CAMK1D: variants seen among roughly 807,000 people sequenced by gnomAD.
The protein encoded by CAMK1D is calcium/calmodulin-dependent protein kinase type 1D.
In CAMK1D, 9 loss-of-function variants were observed where a neutral mutation model predicts 47.7. The observed-to-expected ratio is 0.19, with a 90% CI of 0.11 to 0.33. CAMK1D has a LOEUF of 0.33. CAMK1D is among the 10% of genes least tolerant of loss of function. The pLI, the probability that CAMK1D is intolerant of heterozygous loss-of-function variation, is 1.00. For synonymous variants in CAMK1D, 184 were observed against 184.9 expected (o/e 0.99, Z 0.04); for missense variants, 291 against 488.7 (o/e 0.60, Z 3.81).
chr10:12,733,629 A>T (rs1379741267), intron 3 of CAMK1D, among the ~76,000 whole-genome samples: 1 of 152,228 alleles, frequency 6.6e-6, no homozygotes, highest in African/African-American at 2.4e-5. Flanking sequence ...AGTGTTCTAG[A>T]AACATCAGAA....
At chr10:12,677,551 T>C (rs1028060883) in intron 3 of CAMK1D, among the ~76,000 whole-genome samples, 2 of 152,098 alleles carry the variant, frequency 1.3e-5, no homozygotes, top group Non-Finnish European at 2.9e-5. Flanking sequence ...CAGGGCACTC[T>C]GGGAGGAGAC....
intron 3 of CAMK1D, among the ~76,000 whole-genome samples, chr10:12,743,103 G>A (rs976193396): frequency 6.6e-6 from 1 of 152,172 alleles, no homozygotes; most frequent in African/African-American, 2.4e-5. Context: ...AGCACTTTGC[G>A]AGGCCGAGGC....
At chr10:12,543,885 C>G (rs564607677) in intron 1 of CAMK1D, among the ~76,000 whole-genome samples, 2 of 152,296 alleles carry the variant, frequency 1.3e-5, no homozygotes, top group East Asian at 3.9e-4. Flanking sequence ...TCCATTGAAA[C>G]TGACTAGATA....
intron 1 of CAMK1D, among the ~76,000 whole-genome samples, chr10:12,523,190 C>A (rs187591840): frequency 6.7e-6 from 1 of 148,870 alleles, no homozygotes; most frequent in African/African-American, 2.5e-5. Flanking sequence ...CCAGACGGGG[C>A]GGTGGGGCAG....
intron 3 of CAMK1D, among the ~76,000 whole-genome samples, chr10:12,757,932 A>G (rs1023582259): frequency 1.4e-5 from 2 of 145,024 alleles, no homozygotes; most frequent in Admixed American, 7.2e-5. Flanking sequence ...GCTCACCGCA[A>G]TCTCTGCCTC....
chr10:12,692,496 T>C (rs116994943), intron 3 of CAMK1D, among the ~76,000 whole-genome samples: 2,243 of 152,328 alleles, frequency 0.015, 35 homozygotes, highest in South Asian at 0.036. Context: ...TAATAAAATA[T>C]GAAATGTCAT....
chr10:12,412,772 G>C (rs1839709025), intron 1 of CAMK1D, among the ~76,000 whole-genome samples: 1 of 152,006 alleles, frequency 6.6e-6, no homozygotes, highest in Non-Finnish European at 1.5e-5. Context: ...AGATGCCTGG[G>C]GGGAGGCCGT....
chr10:12,731,916 G>A (rs1834905517), intron 3 of CAMK1D, among the ~76,000 whole-genome samples: 1 of 152,066 alleles, frequency 6.6e-6, no homozygotes, highest in Non-Finnish European at 1.5e-5. Flanking sequence ...TGGACGATGG[G>A]GTAGGGAGGA....
intron 2 of CAMK1D, among the ~76,000 whole-genome samples, chr10:12,644,333 C>T (rs942776716): frequency 2.0e-5 from 3 of 152,146 alleles, no homozygotes; most frequent in African/African-American, 7.2e-5. Flanking sequence ...AAAATAAATA[C>T]AACCCAAACC....
At chr10:12,521,884 AT>A (rs1835426797) in intron 1 of CAMK1D, among the ~76,000 whole-genome samples, 1 of 151,716 alleles carries the variant, frequency 6.6e-6, no homozygotes, top group Non-Finnish European at 1.5e-5. Context: ...TTTGTTTGCT[AT>A]TTATATTCAT....
At chr10:12,373,243 G>C (rs1185988112) in intron 1 of CAMK1D, among the ~76,000 whole-genome samples, 5 of 151,380 alleles carry the variant, frequency 3.3e-5, no homozygotes, top group Admixed American at 1.3e-4. Context: ...AGCCCAGGAA[G>C]TTGAGGCTGC....
At chr10:12,674,723 CTGACT>C (rs1840746258) in intron 3 of CAMK1D, among the ~76,000 whole-genome samples, 2 of 148,262 alleles carry the variant, frequency 1.3e-5, no homozygotes, top group South Asian at 4.3e-4. Flanking sequence ...TATTTCTCAT[CTGACT>C]TGACTTGTAG....
At chr10:12,764,508 G>GA (rs1836660005) in intron 4 of CAMK1D, among the ~76,000 whole-genome samples, 1 of 68 alleles carries the variant, frequency 0.015, no homozygotes, top group Non-Finnish European at 0.05. Flanking sequence ...AGGGATGTGC[G>GA]ATGCTCTGAG....
intron 1 of CAMK1D, among the ~76,000 whole-genome samples, chr10:12,547,045 T>C (rs1836400558): frequency 6.6e-6 from 1 of 152,094 alleles, no homozygotes; most frequent in Admixed American, 6.6e-5. Context: ...GAGATTTCCA[T>C]GTAGAGGATA....
At chr10:12,561,383 C>T (rs1836938306) in intron 2 of CAMK1D, among the ~76,000 whole-genome samples, 1 of 152,092 alleles carries the variant, frequency 6.6e-6, no homozygotes, top group Non-Finnish European at 1.5e-5. Context: ...ACAATACACC[C>T]TGGACCTGTG....
chr10:12,654,417 C>T (rs1368725977), intron 2 of CAMK1D, among the ~76,000 whole-genome samples: 1 of 152,176 alleles, frequency 6.6e-6, no homozygotes, highest in African/African-American at 2.4e-5. Context: ...TCTGAGACTC[C>T]TGGTGCTAAT....
intron 1 of CAMK1D, among the ~76,000 whole-genome samples, chr10:12,466,536 G>C (rs1264347002): frequency 6.6e-6 from 1 of 151,202 alleles, no homozygotes; most frequent in African/African-American, 2.4e-5. Context: ...AGTGAACTAT[G>C]ATCACACCAC....
chr10:12,520,943 A>AGG (rs1326752288), intron 1 of CAMK1D, among the ~76,000 whole-genome samples: 141 of 2,742 alleles, frequency 0.051, 10 homozygotes, highest in African/African-American at 0.15. Context: ...GGAGAGGGAG[A>AGG]GGGAGGGGGA....
At chr10:12,713,014 C>T (rs1433835380) in intron 3 of CAMK1D, among the ~76,000 whole-genome samples, 1 of 152,086 alleles carries the variant, frequency 6.6e-6, no homozygotes, top group East Asian at 1.9e-4. Flanking sequence ...ATGGTTTTGA[C>T]ATTCCCGGAG....
Sources: gnomAD v4.1 joint callset for allele counts (sites outside exome capture counted in the v4.1 genomes callset) on GRCh38, gnomAD v4.1.1 for gene constraint, MANE v1.5 for transcripts, NCBI Gene and HGNC (gene_info 2026-07-23, HGNC 2026-07-21) for gene names.